Variants in CMC1 observed in about 807,000 individuals in gnomAD.
CMC1 encodes the protein COX assembly mitochondrial protein homolog.
CMC1 carries 14 observed loss-of-function variants against 14.1 expected under a neutral mutation model. The observed-to-expected ratio is 0.99, with a 90% CI of 0.66 to 1.55. CMC1 has a LOEUF of 1.55. Among genes scored for constraint, CMC1 ranks in the 40% most tolerant of loss-of-function variants. The pLI, the probability that CMC1 is intolerant of heterozygous loss-of-function variation, is 0.00. For synonymous variants in CMC1, 50 were observed against 38.4 expected (o/e 1.30, Z -1.12); for missense variants, 127 against 123.8 (o/e 1.03, Z -0.12).
intron 2 of CMC1, among the ~76,000 whole-genome samples, chr3:28,295,346 TC>T (rs1701683337): frequency 6.6e-6 from 1 of 152,188 alleles, no homozygotes; most frequent in Non-Finnish European, 1.5e-5. Flanking sequence ...GTTATTTTTT[TC>T]TTCATGCCCA....
At chr3:28,302,317 A>G (rs1400715652) in intron 2 of CMC1, among the ~76,000 whole-genome samples, 2 of 152,146 alleles carry the variant, frequency 1.3e-5, no homozygotes, top group African/African-American at 4.8e-5. Flanking sequence ...CATGTTCAAA[A>G]GTTTGCCTGT....
At chr3:28,266,564 A>G (rs1426825894) in intron 2 of CMC1, among the ~76,000 whole-genome samples, 1 of 151,602 alleles carries the variant, frequency 6.6e-6, no homozygotes, top group Admixed American at 6.6e-5. Flanking sequence ...ACTGGTCACC[A>G]ACTCCTGGGC....
In CMC1 at chr3:28,258,488, C is replaced by CT. The variant is rs573808505; in HGVS notation, c.20-4790dup. Among the ~76,000 whole-genome samples the CT allele has an allele frequency of 1.1e-3, 155 of 137,620 alleles. No homozygotes were observed. In the Middle Eastern group the frequency reaches 0.016, roughly 14 times the overall value. 90.3% of individuals were successfully genotyped at this position (137,620 alleles called of 152,430 possible). On this transcript the variant is annotated intron_variant, in intron 1 of 3. Transcript: ENST00000466830. ...TGAAGTAGGGGGTCAAAGGGTTTAG[C>CT]TTTTTTTTTTTTTCCATGTTAATAC...
At chr3:28,301,889 C>G (rs930204056) in intron 2 of CMC1, among the ~76,000 whole-genome samples, 9 of 151,372 alleles carry the variant, frequency 5.9e-5, no homozygotes, top group African/African-American at 2.2e-4. Context: ...ACTCCCATCC[C>G]CCATCAACAC....
intron 2 of CMC1, among the ~76,000 whole-genome samples, chr3:28,278,815 T>C (rs921746487): frequency 6.6e-6 from 1 of 152,210 alleles, no homozygotes; most frequent in African/African-American, 2.4e-5. Flanking sequence ...TAGTGTGTTT[T>C]CCATAATAAT....
At position 28,322,216 on chromosome 3, in the gene CMC1, C is replaced by T. The variant is rs1043889235; in HGVS notation, c.*2587C>T. The T allele has an allele frequency of 6.6e-6, 1 of 151,220 alleles. No individual in the cohort carries two copies. Among genetic ancestry groups the T allele is most frequent in the African/African-American group, 2.4e-5 (1 of 41,332 alleles). The allele number at this position is 151,220 out of a possible 1,614,324, so 9.4% of individuals were successfully genotyped here. A position where few individuals can be genotyped will look rare whatever the true frequency, so the allele number is the denominator to read the frequency against. ...TATACCTGTTTGATAGCTATCATCACTGTACTGTTTAAATGGAAAATAATT... is the reference window on the plus strand; with the variant it reads ...TATACCTGTTTGATAGCTATCATCATTGTACTGTTTAAATGGAAAATAATT... On this transcript the variant is annotated 3_prime_UTR_variant, in exon 4 of 4. Coordinates refer to ENST00000466830, the MANE Select transcript of CMC1 (RefSeq NM_182523.2).
intron 2 of CMC1, among the ~76,000 whole-genome samples, chr3:28,306,304 C>G (rs1285864897): frequency 6.6e-6 from 1 of 152,096 alleles, no homozygotes; most frequent in African/African-American, 2.4e-5. Context: ...GACATTGACA[C>G]TTTCAATCCA....
intron 2 of CMC1, among the ~76,000 whole-genome samples, chr3:28,313,003 C>G (rs1702715535): frequency 6.6e-6 from 1 of 151,880 alleles, no homozygotes; most frequent in Non-Finnish European, 1.5e-5. Flanking sequence ...ATTACAGGCG[C>G]CTGCCACCAT....
intron 2 of CMC1, among the ~76,000 whole-genome samples, chr3:28,286,529 A>T (rs946655104): frequency 3.3e-5 from 5 of 152,194 alleles, no homozygotes; most frequent in Non-Finnish European, 7.3e-5. Flanking sequence ...TAATATTCAC[A>T]TATTCATTTA....
chr3:28,242,071 C>T (rs2125406713), intron 1 of CMC1, among the ~76,000 whole-genome samples: 1 of 152,342 alleles, frequency 6.6e-6, no homozygotes, highest in African/African-American at 2.4e-5. Context: ...CGACTAGTCT[C>T]TTCATTGTCA....
intron 2 of CMC1, chr3:28,292,886 A>G (rs1701548217): frequency 1.3e-5 from 2 of 152,200 alleles, no homozygotes; most frequent in Non-Finnish European, 2.9e-5. Flanking sequence ...GTTGATTCAC[A>G]TTGAATTTAT....
intron 1 of CMC1, among the ~76,000 whole-genome samples, chr3:28,256,319 G>C (rs1019778457): frequency 6.6e-6 from 1 of 152,098 alleles, no homozygotes; most frequent in Non-Finnish European, 1.5e-5. Context: ...GGAAGGGCAG[G>C]CTTGGAATTC....
At chr3:28,300,369 A>G (rs1285406771) in intron 2 of CMC1, among the ~76,000 whole-genome samples, 1 of 152,208 alleles carries the variant, frequency 6.6e-6, no homozygotes, top group African/African-American at 2.4e-5. Context: ...AAATTAAGCC[A>G]TAATTGCAGA....
rs1213355655 is a variant in CMC1 at position 28,321,197 on chromosome 3, T to C, written c.*1568T>C. On this transcript the variant is annotated 3_prime_UTR_variant, in exon 4 of 4. Transcript: ENST00000466830. ...ATAGAAATCTAGAGACCACACAGCATAGGGGCAAACATGCCCATATTTCCA... is the reference window on the plus strand; with the variant it reads ...ATAGAAATCTAGAGACCACACAGCACAGGGGCAAACATGCCCATATTTCCA... The C allele has an allele frequency of 2.0e-5, 3 of 151,450 alleles. No homozygotes were observed. The highest frequency in any genetic ancestry group is 6.6e-5 in the Admixed American group (1 of 15,140). 9.4% of individuals were successfully genotyped at this position (151,450 alleles called of 1,614,324 possible).
chr3:28,315,355 G>C (rs911698541), intron 2 of CMC1, among the ~76,000 whole-genome samples: 9 of 152,144 alleles, frequency 5.9e-5, no homozygotes, highest in Non-Finnish European at 5.9e-5. Flanking sequence ...ACAATTTAAA[G>C]AGCAAACTAG....
At chr3:28,253,733 T>TAAAAGAAAA (rs1395805235) in intron 1 of CMC1, 1 of 1,285,200 alleles carries the variant, frequency 7.8e-7, no homozygotes, top group Non-Finnish European at 1.0e-6. Context: ...TCCTACAGAG[T>TAAAAGAAAA]AAACAGTAGC....
chr3:28,283,363 A>T (rs566167827), intron 2 of CMC1, among the ~76,000 whole-genome samples: 41 of 152,026 alleles, frequency 2.7e-4, no homozygotes, highest in Non-Finnish European at 5.1e-4. Flanking sequence ...AAAATAAAAA[A>T]AAAAAATTAG....
intron 2 of CMC1, among the ~76,000 whole-genome samples, chr3:28,263,914 G>A (rs748137442): frequency 4.6e-5 from 7 of 152,094 alleles, no homozygotes; most frequent in Non-Finnish European, 8.8e-5. Flanking sequence ...ACAGCTACAA[G>A]TGTATGTTTT....
intron 2 of CMC1, among the ~76,000 whole-genome samples, chr3:28,288,069 C>T (rs926768932): frequency 6.6e-6 from 1 of 151,986 alleles, no homozygotes; most frequent in African/African-American, 2.4e-5. Context: ...ACAATGCAGA[C>T]ATCAATCATT....
Sources: allele counts gnomAD v4.1 joint callset (sites outside exome capture counted in the v4.1 genomes callset), GRCh38; gene constraint gnomAD v4.1.1; transcripts MANE v1.5; gene names NCBI Gene and HGNC (gene_info 2026-07-23, HGNC 2026-07-21).